VAMP4: variants seen among roughly 807,000 people sequenced by gnomAD.
VAMP4 encodes vesicle-associated membrane protein 4.
A neutral mutation model predicts 23.5 loss-of-function variants in VAMP4; 19 were observed. The observed-to-expected ratio is 0.81, with a 90% CI of 0.56 to 1.19. The LOEUF is 1.19. Ranked by LOEUF, VAMP4 falls within the 50% of genes most tolerant of loss-of-function variation. The probability of loss-of-function intolerance (pLI) is 0.00; values close to 1 mark genes in which losing one functional copy is unlikely to be tolerated. For missense variants in VAMP4, 145 were observed against 168.6 expected, an observed-to-expected ratio of 0.86 and a Z score of 0.78; for synonymous variants, 31 against 51.0, an observed-to-expected ratio of 0.61 and a Z score of 1.67.
intron 3 of VAMP4, among the ~76,000 whole-genome samples, chr1:171,719,639 A>G (rs1000040510): frequency 6.7e-6 from 1 of 149,728 alleles, no homozygotes; most frequent in East Asian, 1.9e-4. Context: ...TAATGAAATG[A>G]GGAAACTACA....
At chr1:171,723,006 A>G (rs992069189) in intron 3 of VAMP4, among the ~76,000 whole-genome samples, 1 of 152,246 alleles carries the variant, frequency 6.6e-6, no homozygotes, top group African/African-American at 2.4e-5. Flanking sequence ...TAATAAAGGG[A>G]AAGACTACAA....
chr1:171,712,292 C>T (rs1654873254), intron 4 of VAMP4, among the ~76,000 whole-genome samples: 1 of 152,138 alleles, frequency 6.6e-6, no homozygotes, highest in Admixed American at 6.5e-5. Flanking sequence ...CCCCACACAA[C>T]TCCCCAAACT....
intron 3 of VAMP4, among the ~76,000 whole-genome samples, chr1:171,721,928 A>G (rs897871272): frequency 8.5e-5 from 13 of 152,300 alleles, no homozygotes; most frequent in Admixed American, 7.2e-4. Flanking sequence ...TGGAACCAAA[A>G]AAGAGCCCAC....
intron 1 of VAMP4, among the ~76,000 whole-genome samples, chr1:171,740,462 C>T (rs1404654307): frequency 6.6e-6 from 1 of 152,218 alleles, no homozygotes; most frequent in Non-Finnish European, 1.5e-5. Context: ...AACCAAAGGA[C>T]ACACTTTTCT....
chr1:171,734,256 A>C (rs1021841529), intron 2 of VAMP4, among the ~76,000 whole-genome samples: 1 of 136,372 alleles, frequency 7.3e-6, no homozygotes, highest in African/African-American at 2.9e-5. Flanking sequence ...CAACAGAGGG[A>C]GACTCCGTCT....
At chr1:171,727,378 T>C (rs1655409389) in intron 3 of VAMP4, among the ~76,000 whole-genome samples, 1 of 151,868 alleles carries the variant, frequency 6.6e-6, no homozygotes, top group Non-Finnish European at 1.5e-5. Context: ...CAACATCATA[T>C]GTCATTAAGG....
rs373274572 is a variant in VAMP4, at chr1:171,709,646, T to C, written c.345+19A>G. On this transcript the variant is annotated intron_variant, in intron 6 of 7. Transcript: ENST00000236192. ...TTCAGATGCTGACCAGTCTATCCAG[T>C]AGCTTCTGATTTACTTACTTTGCAT... 1.9e-6 allele frequency: 3 copies of C among 1,611,042 alleles called. No individual in the cohort carries two copies. The African/African-American group carries it at 4.0e-5, about 22-fold the overall frequency.
In VAMP4 at chr1:171,703,429, A is replaced by G. The variant is rs879248250; in HGVS notation, c.*1077T>C. 0.021 allele frequency: 718 copies of G among 34,700 alleles called. 30 individuals are homozygous for G. Among genetic ancestry groups the G allele is most frequent in the African/African-American group, 0.049 (468 of 9,618 alleles). The allele number at this position is 34,700 out of a possible 1,614,324, so 2.1% of individuals were successfully genotyped here. ...TGTGTGTGTGTGTGTTTGTGTGTAT[A>G]TATATATATATATATATATATATAT... On this transcript the variant is annotated 3_prime_UTR_variant, in exon 8 of 8. Transcript: ENST00000236192.
At chr1:171,741,439 C>T (rs1037034113) in intron 1 of VAMP4, among the ~76,000 whole-genome samples, 2 of 151,940 alleles carry the variant, frequency 1.3e-5, no homozygotes, top group Admixed American at 6.6e-5. Context: ...TCATTATAAA[C>T]ACAGCAGGGT....
chr1:171,721,481 T>C (rs1267270071), intron 3 of VAMP4, among the ~76,000 whole-genome samples: 1 of 152,198 alleles, frequency 6.6e-6, no homozygotes, highest in African/African-American at 2.4e-5. Flanking sequence ...ATTTACAAAA[T>C]GATATTTATA....
chr1:171,708,490 T>C (rs1010377794), intron 6 of VAMP4, among the ~76,000 whole-genome samples: 1 of 151,804 alleles, frequency 6.6e-6, no homozygotes, highest in African/African-American at 2.4e-5. Flanking sequence ...GACGATTCAA[T>C]AGGTAGACAA....
At chr1:171,740,524 A>C (rs1252261711) in intron 1 of VAMP4, among the ~76,000 whole-genome samples, 1 of 152,186 alleles carries the variant, frequency 6.6e-6, no homozygotes, top group Non-Finnish European at 1.5e-5. Context: ...ACAAAAACCA[A>C]ATTCTTGCTG....
At chr1:171,713,063 A>G (rs1053052541) in intron 4 of VAMP4, among the ~76,000 whole-genome samples, 2 of 152,168 alleles carry the variant, frequency 1.3e-5, no homozygotes, top group Non-Finnish European at 2.9e-5. Flanking sequence ...GACCTTGCCT[A>G]TTTTGTTCAC....
At chr1:171,712,763 C>T (rs906736053) in intron 4 of VAMP4, among the ~76,000 whole-genome samples, 2 of 152,180 alleles carry the variant, frequency 1.3e-5, no homozygotes, top group Non-Finnish European at 2.9e-5. Context: ...GGCACAAATA[C>T]ACAACTAATC....
intron 4 of VAMP4, among the ~76,000 whole-genome samples, chr1:171,715,522 C>G (rs939139945): frequency 2.6e-5 from 4 of 152,106 alleles, no homozygotes; most frequent in Admixed American, 2.6e-4. Flanking sequence ...ACCTTGGAAG[C>G]CTGTTTTAGC....
chr1:171,720,107 C>G (rs964597396), intron 3 of VAMP4, among the ~76,000 whole-genome samples: 20 of 151,770 alleles, frequency 1.3e-4, no homozygotes, highest in Non-Finnish European at 4.4e-5. Context: ...TTCCTCTAAG[C>G]TTTTTCCTTA....
intron 2 of VAMP4, among the ~76,000 whole-genome samples, chr1:171,736,722 A>G (rs952191387): frequency 6.6e-6 from 1 of 152,226 alleles, no homozygotes; most frequent in African/African-American, 2.4e-5. Flanking sequence ...AATGTCTGTA[A>G]TCCCAGCACT....
At chr1:171,734,804 T>C (rs1655685565) in intron 2 of VAMP4, among the ~76,000 whole-genome samples, 1 of 152,132 alleles carries the variant, frequency 6.6e-6, no homozygotes, top group African/African-American at 2.4e-5. Flanking sequence ...TAATAATCAA[T>C]GAAGAATATA....
chr1:171,725,368 A>G (rs1423791634), intron 3 of VAMP4, among the ~76,000 whole-genome samples: 2 of 152,172 alleles, frequency 1.3e-5, no homozygotes, highest in Admixed American at 1.3e-4. Context: ...AGGGGACCTG[A>G]GGCAGGAGAA....
Sources: gnomAD v4.1 joint callset for allele counts (sites outside exome capture counted in the v4.1 genomes callset) on GRCh38, gnomAD v4.1.1 for gene constraint, MANE v1.5 for transcripts, NCBI Gene and HGNC (gene_info 2026-07-23, HGNC 2026-07-21) for gene names.